INO80: variants seen among roughly 807,000 people sequenced by gnomAD.
INO80 encodes the protein INO80 complex ATPase subunit.
INO80 carries 20 observed loss-of-function variants against 203.4 expected under a neutral mutation model. That is an observed-to-expected ratio of 0.10 (90% CI 0.07 to 0.14). The LOEUF is 0.14. Among genes scored for constraint, INO80 ranks in the 10% least tolerant of loss-of-function variants. INO80 has a pLI of 1.00. For missense variants in INO80, 1,419 were observed against 1,914.4 expected, an observed-to-expected ratio of 0.74 and a Z score of 4.83; for synonymous variants, 726 against 685.2, an observed-to-expected ratio of 1.06 and a Z score of -0.93.
intron 24 of INO80, among the ~76,000 whole-genome samples, chr15:41,028,330 T>C (rs2044408405): frequency 6.6e-6 from 1 of 152,076 alleles, no homozygotes; most frequent in African/African-American, 2.4e-5. Flanking sequence ...GAGACAGGGT[T>C]TCACCATGTT....
chr15:40,984,717 A>T (rs1292222309), intron 32 of INO80, among the ~76,000 whole-genome samples: 1 of 152,156 alleles, frequency 6.6e-6, no homozygotes, highest in East Asian at 1.9e-4. Flanking sequence ...GAGCCACACC[A>T]ACCCTGATCC....
At chr15:41,101,710 T>G (rs2045810281) in intron 1 of INO80, among the ~76,000 whole-genome samples, 1 of 151,922 alleles carries the variant, frequency 6.6e-6, no homozygotes, top group Middle Eastern at 3.4e-3. Context: ...CCACAACGCC[T>G]GGCTAAGTTT....
At chr15:41,060,341 C>A (rs2045079853) in intron 14 of INO80, among the ~76,000 whole-genome samples, 1 of 152,142 alleles carries the variant, frequency 6.6e-6, no homozygotes, top group African/African-American at 2.4e-5. Context: ...GTAATCCCAG[C>A]ACTTTGGGAG....
chr15:41,023,648 A>C (rs1344681440), intron 25 of INO80, among the ~76,000 whole-genome samples: 1 of 151,600 alleles, frequency 6.6e-6, no homozygotes, highest in Non-Finnish European at 1.5e-5. Flanking sequence ...GCCTGCCTGT[A>C]ATCTCTGCTA....
At chr15:40,985,278 C>T (rs1011538728) in intron 32 of INO80, 60 bp downstream of exon 32, 3 of 1,248,948 alleles carry the variant, frequency 2.4e-6, no homozygotes, top group Non-Finnish European at 3.5e-6. Flanking sequence ...ACCCCAAAGC[C>T]TTTTTGGTAA....
intron 1 of INO80, among the ~76,000 whole-genome samples, chr15:41,102,321 T>C (rs961359421): frequency 2.6e-5 from 4 of 152,344 alleles, no homozygotes; most frequent in Admixed American, 2.0e-4. Flanking sequence ...TAGGGCATCA[T>C]ACTGCTTTTT....
At chr15:41,081,416 G>A (rs2045482865) in intron 7 of INO80, among the ~76,000 whole-genome samples, 1 of 152,076 alleles carries the variant, frequency 6.6e-6, no homozygotes, top group African/African-American at 2.4e-5. Context: ...GCTTACCAGG[G>A]CCAATCTGCA....
rs1389762533 is a variant in INO80, at chr15:41,027,525, T to C, written c.3048+71A>G. 4.0e-6 allele frequency: 5 copies of C among 1,260,546 alleles called. No homozygotes were observed. In the African/African-American group the frequency reaches 6.0e-5, roughly 15 times the overall value. 78.1% of individuals were successfully genotyped at this position (1,260,546 alleles called of 1,614,324 possible). A position where few individuals can be genotyped will look rare whatever the true frequency, so the allele number is the denominator to read the frequency against. On this transcript the variant is annotated intron_variant, in intron 25 of 35. Coordinates refer to ENST00000648947, the MANE Select transcript of INO80 (RefSeq NM_017553.3). ...GTTTAAAACAATTCTGTTTAAGAAATAAATCCCTTAAAAATTGGTTTATTT... is the reference window on the plus strand; with the variant it reads ...GTTTAAAACAATTCTGTTTAAGAAACAAATCCCTTAAAAATTGGTTTATTT...
intron 1 of INO80, among the ~76,000 whole-genome samples, chr15:41,114,863 A>C (rs692155): frequency 2.6e-5 from 4 of 151,948 alleles, no homozygotes; most frequent in Non-Finnish European, 5.9e-5. Flanking sequence ...ATAGTTACCT[A>C]AGACTGGAGG....
At chr15:41,082,958 G>A (rs1179147718) in intron 7 of INO80, among the ~76,000 whole-genome samples, 1 of 151,760 alleles carries the variant, frequency 6.6e-6, no homozygotes. Flanking sequence ...CTAAGTCATG[G>A]GAAAGTTTCC....
chr15:41,057,797 C>CAAAAAAAAAAAAAA (rs35197370), intron 16 of INO80, among the ~76,000 whole-genome samples: 2 of 29,298 alleles, frequency 6.8e-5, no homozygotes, highest in Non-Finnish European at 1.4e-4. Flanking sequence ...AACTACATCT[C>CAAAAAAAAAAAAAA]AAAAAAAAAA....
intron 1 of INO80, among the ~76,000 whole-genome samples, chr15:41,103,579 C>G (rs909354930): frequency 2.7e-4 from 41 of 151,974 alleles, no homozygotes; most frequent in African/African-American, 9.7e-4. Flanking sequence ...TCAGTAGAGA[C>G]GGGATTTTAT....
In INO80 at chr15:41,095,619, T is replaced by C; in HGVS notation, c.363A>G (p.Lys121=). Residue 121 remains lysine, a synonymous_variant, in exon 4 of 36, where the codon AAA becomes AAG. Transcript: ENST00000648947. ...GNLYNFSKLK[K]SRKWLKSILL... is the part of the protein sequence containing the mutation. ...CTCTTACCTTTAGCCACTTTCTGCT[T>C]TTCTTCAGCTTAGAGAAATTATATA... 1.9e-6 allele frequency: 3 copies of C among 1,610,526 alleles called. No individual in the cohort carries two copies. Among genetic ancestry groups the C allele is most frequent in the Non-Finnish European group, 2.5e-6 (3 of 1,176,818 alleles).
chr15:41,011,642 G>C (rs754805892), intron 27 of INO80: 3 of 151,786 alleles, frequency 2.0e-5, no homozygotes, highest in Non-Finnish European at 4.4e-5. Flanking sequence ...GGCAACTTAA[G>C]ATATCAAGTG....
At chr15:41,046,372 G>A (rs749375626) in intron 23 of INO80, among the ~76,000 whole-genome samples, 43 of 150,156 alleles carry the variant, frequency 2.9e-4, no homozygotes, top group Non-Finnish European at 5.6e-4. Flanking sequence ...TGAAACAGGC[G>A]CGTGGCACCA....
At chr15:40,984,654 T>C (rs1295616855) in intron 32 of INO80, among the ~76,000 whole-genome samples, 1 of 149,268 alleles carries the variant, frequency 6.7e-6, no homozygotes, top group East Asian at 1.9e-4. Context: ...AAAGAGCTTA[T>C]GAATATCTGC....
At chr15:41,045,988 T>C (rs986307021) in intron 23 of INO80, among the ~76,000 whole-genome samples, 1 of 151,626 alleles carries the variant, frequency 6.6e-6, no homozygotes, top group Non-Finnish European at 1.5e-5. Flanking sequence ...AGAACCATTA[T>C]ACCAGAGAAC....
At chr15:41,046,623 T>C (rs1377713059) in intron 23 of INO80, among the ~76,000 whole-genome samples, 1 of 151,864 alleles carries the variant, frequency 6.6e-6, no homozygotes, top group Non-Finnish European at 1.5e-5. Context: ...TTTTGTTTGT[T>C]TTGTTCTGTT....
chr15:41,009,825 C>G lies in INO80; in HGVS notation c.3403-4138G>C, dbSNP rs555843370. 1.7e-4 allele frequency among the ~76,000 whole-genome samples: 26 copies of G among 152,184 alleles called. No individual in the cohort carries two copies. The East Asian group carries it at 5.0e-3, about 29-fold the overall frequency. On this transcript the variant is annotated intron_variant, in intron 27 of 35. Transcript: ENST00000648947. ...ATGTTGTCCAGGCTGGTCTTGAACT[C>G]CTGGGCTCAAGTGATTCTCCTCCCT...
Sources: gnomAD v4.1 joint callset for allele counts (sites outside exome capture counted in the v4.1 genomes callset) on GRCh38, gnomAD v4.1.1 for gene constraint, MANE v1.5 for transcripts, NCBI Gene and HGNC (gene_info 2026-07-23, HGNC 2026-07-21) for gene names.